Variants in MYT1 observed in about 807,000 individuals in gnomAD.
MYT1 encodes the protein myelin transcription factor 1.
Under a neutral mutation model 123.0 loss-of-function variants are expected in MYT1, and 23 were observed. The observed-to-expected ratio is 0.19, with a 90% CI of 0.13 to 0.26. MYT1 has a LOEUF of 0.26. MYT1 is among the 10% of genes least tolerant of loss of function. MYT1 has a pLI of 1.00. For missense variants in MYT1, 1,125 were observed against 1,472.5 expected (o/e 0.76, Z 3.86); for synonymous variants, 518 against 575.3 (o/e 0.90, Z 1.43).
intron 1 of MYT1, among the ~76,000 whole-genome samples, chr20:64,173,455 C>T (rs1249524152): frequency 1.4e-4 from 21 of 150,102 alleles, no homozygotes; most frequent in African/African-American, 5.2e-4. Context: ...GTGTCCATTT[C>T]CCCTCCCTGA....
Position 64,213,206 on chromosome 20 carries a change from C to G in MYT1, c.1518-328C>G, listed in dbSNP as rs1485236570. 6.6e-6 allele frequency among the ~76,000 whole-genome samples: 1 copy of G among 152,200 alleles called. No homozygotes were observed. The highest frequency in any genetic ancestry group is 2.4e-5 in the African/African-American group (1 of 41,454). ...AGGAAGGGGGTGAGGGCAAGCCTGT[C>G]TCCCAGACCCATGCAGAGGAGGCAT... On this transcript the variant is annotated intron_variant, in intron 9 of 22. Transcript: ENST00000328439. This position sits in a 1 kb window ranked among gnomAD's most constrained non-coding sequence, Gnocchi z 5.6.
intron 1 of MYT1, among the ~76,000 whole-genome samples, chr20:64,187,425 A>G (rs1242216362): frequency 5.0e-5 from 7 of 138,820 alleles, no homozygotes; most frequent in Non-Finnish European, 7.6e-5. Context: ...TTCTGTGGAG[A>G]GTTTTCCTGT....
At position 64,196,882 on chromosome 20, in the gene MYT1, G is replaced by C. The variant is rs767703153; in HGVS notation, c.1-1980G>C. Reference sequence around the variant, plus strand: ...CTTGCCAATATCCTTGGGAAAACTGGCAATAAATAAATAAATAAATAAAGC... The same window carrying C: ...CTTGCCAATATCCTTGGGAAAACTGCCAATAAATAAATAAATAAATAAAGC... On this transcript the variant is annotated intron_variant, in intron 2 of 22. Transcript: ENST00000328439. This position sits in a 1 kb window ranked among gnomAD's most constrained non-coding sequence, Gnocchi z 4.3. Among the ~76,000 whole-genome samples, 9 of 152,118 alleles carry C rather than the reference G, an allele frequency of 5.9e-5. No homozygotes were observed. The highest frequency in any genetic ancestry group is 1.0e-4 in the Non-Finnish European group (7 of 68,044).
At chr20:64,225,459 A>G (rs1984145316) in intron 16 of MYT1, among the ~76,000 whole-genome samples, 1 of 152,218 alleles carries the variant, frequency 6.6e-6, no homozygotes, top group Admixed American at 6.5e-5. Context: ...CTGTGAGGAC[A>G]TGGCCGCCTC....
chr20:64,203,657 C>T lies in MYT1; in HGVS notation c.87-1378C>T, dbSNP rs1370223860. On this transcript the variant is annotated intron_variant, in intron 4 of 22. Coordinates refer to ENST00000328439, the MANE Select transcript of MYT1 (RefSeq NM_004535.3). This position sits in a 1 kb window ranked among gnomAD's most constrained non-coding sequence, Gnocchi z 5.1. Reference sequence around the variant, plus strand: ...AACATCCCCCTCCCCCACCCCATGGCTGCTGTTGAGCCAGGGGATAGGGTA... The same window carrying T: ...AACATCCCCCTCCCCCACCCCATGGTTGCTGTTGAGCCAGGGGATAGGGTA... Among the ~76,000 whole-genome samples, 18 of 152,176 alleles carry T rather than the reference C, an allele frequency of 1.2e-4. No individual in the cohort carries two copies. Among genetic ancestry groups the T allele is most frequent in the Non-Finnish European group, 1.0e-4 (7 of 68,028 alleles).
chr20:64,238,269 T>C (rs954528457), intron 21 of MYT1, among the ~76,000 whole-genome samples: 2 of 152,170 alleles, frequency 1.3e-5, no homozygotes, highest in African/African-American at 2.4e-5. Context: ...CACAGAGAAT[T>C]TGGGCAGAGC....
At chr20:64,227,343 G>A (rs1190414941) in intron 16 of MYT1, 72 bp from the exon 17 acceptor site, 2 of 1,452,556 alleles carry the variant, frequency 1.4e-6, no homozygotes, top group African/African-American at 2.8e-5. Flanking sequence ...CTTTCCTCTG[G>A]GGGTCCCAGG....
Position 64,189,654 on chromosome 20 carries a change from G to A in MYT1, c.-98-409G>A, listed in dbSNP as rs563656143. ...CATATGTACTGTGCATTCTTTTGAGGGGCAGAAGGATCTGGTTGTAATGCG... is the reference window on the plus strand; with the variant it reads ...CATATGTACTGTGCATTCTTTTGAGAGGCAGAAGGATCTGGTTGTAATGCG... On this transcript the variant is annotated intron_variant, in intron 1 of 22. Coordinates refer to ENST00000328439, the MANE Select transcript of MYT1 (RefSeq NM_004535.3). The surrounding 1 kb of genome is among the most constrained non-coding windows in gnomAD (Gnocchi z 5.5). Among the ~76,000 whole-genome samples, 12 of 152,320 alleles carry A rather than the reference G, an allele frequency of 7.9e-5. No individual in the cohort carries two copies. In the South Asian group the frequency reaches 2.5e-3, roughly 32 times the overall value.
At position 64,207,796 on chromosome 20, in the gene MYT1, G is replaced by A; in HGVS notation, c.600G>A (p.Glu200=). 6.2e-7 allele frequency: 1 copy of A among 1,613,950 alleles called. No individual in the cohort carries two copies. The highest frequency in any genetic ancestry group is 8.5e-7 in the Non-Finnish European group (1 of 1,179,988). The change falls in exon 7 of 23, where the codon GAG becomes GAA. Residue 200 remains glutamate, a synonymous_variant. Transcript: ENST00000328439. ...PGPGIVHLLQ[E]AAEGAASEEG... ...CTGGCATTGTGCACCTGCTTCAGGAGGCTGCAGAGGGAGCTGCCAGCGAGG... is the reference window on the plus strand; with the variant it reads ...CTGGCATTGTGCACCTGCTTCAGGAAGCTGCAGAGGGAGCTGCCAGCGAGG...
chr20:64,189,721 G>A lies in MYT1; in HGVS notation c.-98-342G>A, dbSNP rs1405830934. On this transcript the variant is annotated intron_variant, in intron 1 of 22. Coordinates refer to ENST00000328439, the MANE Select transcript of MYT1 (RefSeq NM_004535.3). This position sits in a 1 kb window ranked among gnomAD's most constrained non-coding sequence, Gnocchi z 5.5. ...TCAGCTCATTTTCAAAGTTGGAGGG[G>A]TGACATGCCAAGTTTTCTCAAGGTG... 6.6e-6 allele frequency among the ~76,000 whole-genome samples: 1 copy of A among 152,214 alleles called. No individual in the cohort carries two copies. The highest frequency in any genetic ancestry group is 1.5e-5 in the Non-Finnish European group (1 of 68,038).
Position 64,219,809 on chromosome 20 carries a change from A to C in MYT1, c.2068A>C (p.Ser690Arg). 1 of 1,613,824 alleles carries C rather than the reference A, an allele frequency of 6.2e-7. No homozygotes were observed. The highest frequency in any genetic ancestry group is 8.5e-7 in the Non-Finnish European group (1 of 1,179,894). Reference protein sequence around the residue: ...ENAFPSSSSCSSSPGVKSPDA... With the variant: ...ENAFPSSSSCRSSPGVKSPDA... Reference sequence around the variant, plus strand: ...TGCTTTCCCCAGCAGCAGCAGCTGCAGCAGCAGCCCCGGTGTGAAGTCTCC... The same window carrying C: ...TGCTTTCCCCAGCAGCAGCAGCTGCCGCAGCAGCCCCGGTGTGAAGTCTCC... Residue 690 changes from serine (S) to arginine (R), a missense_variant, in exon 13 of 23, where the codon AGC becomes CGC. Around this residue, in one of 4 missense-constraint regions of MYT1, gnomAD observed 429 missense variants for 604.1 expected, o/e 0.71. Coordinates refer to ENST00000328439, the MANE Select transcript of MYT1 (RefSeq NM_004535.3).
chr20:64,207,784 C>A lies in MYT1; in HGVS notation c.588C>A (p.His196Gln), dbSNP rs917345282. Residue 196 changes from histidine to glutamine, a missense_variant, in exon 7 of 23, where the codon CAC becomes CAA. By Grantham distance (24) the His-to-Gln change is conservative. This residue lies in a region of MYT1 where 406 missense variants were observed against 432.2 expected (regional missense o/e 0.94). Coordinates refer to ENST00000328439, the MANE Select transcript of MYT1 (RefSeq NM_004535.3). ...CCAAGCCAGGTCCTGGCATTGTGCA[C>A]CTGCTTCAGGAGGCTGCAGAGGGAG... is the stretch of plus-strand genomic sequence containing the variant. ...QAAKPGPGIVHLLQEAAEGAA... is the reference protein window; with the variant it reads ...QAAKPGPGIVQLLQEAAEGAA... 2.5e-6 allele frequency: 4 copies of A among 1,613,842 alleles called. No individual in the cohort carries two copies. Among genetic ancestry groups the A allele is most frequent in the Non-Finnish European group, 3.4e-6 (4 of 1,179,968 alleles).
chr20:64,165,865 A>T (rs1982064637), intron 1 of MYT1, among the ~76,000 whole-genome samples: 1 of 151,850 alleles, frequency 6.6e-6, no homozygotes, highest in Admixed American at 6.5e-5. Flanking sequence ...AAAACTGAGG[A>T]CACCTCTAAC....
At chr20:64,216,134 AC>A (rs1218862437) in intron 10 of MYT1, among the ~76,000 whole-genome samples, 1 of 152,102 alleles carries the variant, frequency 6.6e-6, no homozygotes, top group East Asian at 1.9e-4. Context: ...TTCTCGTAGC[AC>A]CCAGCACCTT....
At chr20:64,240,027 G>A in intron 22 of MYT1, 124 bp downstream of exon 22, 2 of 1,417,596 alleles carry the variant, frequency 1.4e-6, no homozygotes, top group Non-Finnish European at 1.9e-6. Flanking sequence ...CTGTGCCCTT[G>A]TGGAGATTCT....
rs1468447415 is a variant in MYT1 at position 64,192,046 on chromosome 20, G to A, written c.-1+1886G>A. 1.3e-5 allele frequency among the ~76,000 whole-genome samples: 2 copies of A among 152,124 alleles called. No individual in the cohort carries two copies. The highest frequency in any genetic ancestry group is 6.5e-5 in the Admixed American group (1 of 15,274). On this transcript the variant is annotated intron_variant, in intron 2 of 22. Transcript: ENST00000328439. This position sits in a 1 kb window ranked among gnomAD's most constrained non-coding sequence, Gnocchi z 5.3. Reference sequence around the variant, plus strand: ...ACAAATGTCTGGTGCCATGTCAGGGGTGGGTCGGAAGACTTTTGTCTCCCC... The same window carrying A: ...ACAAATGTCTGGTGCCATGTCAGGGATGGGTCGGAAGACTTTTGTCTCCCC...
intron 1 of MYT1, among the ~76,000 whole-genome samples, chr20:64,182,014 T>C (rs1982666682): frequency 1.3e-5 from 2 of 152,326 alleles, no homozygotes; most frequent in African/African-American, 4.8e-5. Context: ...CTGTGACCTG[T>C]GACTGGTTTC....
chr20:64,165,806 C>T (rs1322894535), intron 1 of MYT1, among the ~76,000 whole-genome samples: 2 of 151,334 alleles, frequency 1.3e-5, no homozygotes, highest in Non-Finnish European at 2.9e-5. Flanking sequence ...TGGGAGAGGT[C>T]GGTGGAGAAT....
chr20:64,217,061 C>T lies in MYT1; in HGVS notation c.1632-6C>T. ...ACTGGCTGTGCATCCCTGTACTGCA[C>T]CCCAGGCCCATGTGCTTCGTGAAGC... On this transcript the variant is annotated splice_polypyrimidine_tract_variant and splice_region_variant and intron_variant, in intron 10 of 22. Transcript: ENST00000328439. 1 of 1,612,472 alleles carries T rather than the reference C, an allele frequency of 6.2e-7. No individual in the cohort carries two copies. Among genetic ancestry groups the T allele is most frequent in the Non-Finnish European group, 8.5e-7 (1 of 1,179,660 alleles).
Sources: gnomAD v4.1 joint callset for allele counts (sites outside exome capture counted in the v4.1 genomes callset) on GRCh38, gnomAD v4.1.1 for gene constraint, gnomAD v4.1.1 regional missense constraint, Gnocchi (gnomAD v3.1) non-coding constraint, MANE v1.5 for transcripts, NCBI Gene and HGNC (gene_info 2026-07-23, HGNC 2026-07-21) for gene names.